NR5A2: variants seen among roughly 807,000 people sequenced by gnomAD.
The protein encoded by NR5A2 is CYP7A promoter-binding factor.
A neutral mutation model predicts 62.7 loss-of-function variants in NR5A2; 26 were observed. The observed-to-expected ratio is 0.41, with a 90% confidence interval of 0.30 to 0.58. The LOEUF (loss-of-function observed/expected upper bound fraction) is 0.58. Ranked by LOEUF, NR5A2 falls within the 20% of genes least tolerant of loss-of-function variation. The pLI is 0.22. For synonymous variants in NR5A2, 246 were observed against 241.7 expected (o/e 1.02, Z -0.16); for missense variants, 541 against 669.1 (o/e 0.81, Z 2.11).
intron 1 of NR5A2, among the ~76,000 whole-genome samples, chr1:200,030,353 A>G (rs772863750): frequency 5.9e-5 from 9 of 152,230 alleles, no homozygotes; most frequent in Non-Finnish European, 1.2e-4. Flanking sequence ...TGATGGTTAC[A>G]TGAAAGTTTT....
rs1355678791 is a variant in NR5A2 at position 200,048,488 on chromosome 1, A to G, written c.780A>G (p.Thr260=). The G allele has an allele frequency of 3.7e-6, 6 of 1,614,206 alleles. No homozygotes were observed. The African/African-American group carries it at 6.7e-5, about 18-fold the overall frequency. Residue 260 remains threonine (T), a synonymous_variant, in exon 5 of 8, where the codon ACA becomes ACG. Transcript: ENST00000367362. This position sits in a 1 kb window ranked among gnomAD's most constrained non-coding sequence, Gnocchi z 4.8. ...ACGGCAGCCTGCAAGGTTACCAAAC[A>G]TATGGCCACTTTCCTAGCCGGGCCA... is the stretch of plus-strand genomic sequence containing the variant. ...PPHGSLQGYQ[T]YGHFPSRAIK... is the part of the protein sequence containing the mutation.
At chr1:200,037,382 G>A (rs772481972) in intron 1 of NR5A2, among the ~76,000 whole-genome samples, 8 of 152,194 alleles carry the variant, frequency 5.3e-5, no homozygotes, top group African/African-American at 1.9e-4. Flanking sequence ...AGGACCAAGC[G>A]TTTGGAGTCC....
In NR5A2 at chr1:200,160,150, G is replaced by A. The variant is rs778276069; in HGVS notation, c.1379-13813G>A. 2.6e-5 allele frequency among the ~76,000 whole-genome samples: 4 copies of A among 152,318 alleles called. No individual in the cohort carries two copies. In the East Asian group the frequency reaches 5.8e-4, roughly 22 times the overall value. ...AGGGAGCAAAGCCTAGAAACAGGAA[G>A]CTGCTACAAGCAATCCCAACTGCAC... On this transcript the variant is annotated intron_variant, in intron 7 of 7. Coordinates refer to ENST00000367362, the MANE Select transcript of NR5A2 (RefSeq NM_205860.3).
intron 5 of NR5A2, among the ~76,000 whole-genome samples, chr1:200,072,800 A>G (rs1034391454): frequency 6.6e-6 from 1 of 152,176 alleles, no homozygotes; most frequent in African/African-American, 2.4e-5. Flanking sequence ...AGTATGAACA[A>G]AAGAAGATGT....
intron 5 of NR5A2, among the ~76,000 whole-genome samples, chr1:200,053,569 GCACACACA>G (rs34611924): frequency 0.03 from 4,274 of 142,060 alleles, 112 homozygotes; most frequent in African/African-American, 0.064. Context: ...GCATGCACAC[GCACACACA>G]CACACACACA....
chr1:200,157,951 T>C (rs1477911894), intron 7 of NR5A2, among the ~76,000 whole-genome samples: 3 of 152,232 alleles, frequency 2.0e-5, no homozygotes, highest in African/African-American at 7.2e-5. Flanking sequence ...AATTTAACTC[T>C]ACAAACTCAT....
At chr1:200,061,916 T>C (rs1663239292) in intron 5 of NR5A2, among the ~76,000 whole-genome samples, 1 of 152,216 alleles carries the variant, frequency 6.6e-6, no homozygotes, top group African/African-American at 2.4e-5. Context: ...TTACTTCATT[T>C]AAATTAAAAA....
In NR5A2 at chr1:200,147,348, T is replaced by A. The variant is rs967975900; in HGVS notation, c.1378+26393T>A. Among the ~76,000 whole-genome samples, 1 of 152,174 alleles carries A rather than the reference T, an allele frequency of 6.6e-6. No homozygotes were observed. The highest frequency in any genetic ancestry group is 1.5e-5 in the Non-Finnish European group (1 of 68,020). On this transcript the variant is annotated intron_variant, in intron 7 of 7. Coordinates refer to ENST00000367362, the MANE Select transcript of NR5A2 (RefSeq NM_205860.3). The surrounding 1 kb of genome is among the most constrained non-coding windows in gnomAD (Gnocchi z 4.9). ...CTCATCCAGCAAAGCTCGGCCTACA[T>A]GGAGGTTTGCTGACTCCCCCAGGCC...
At chr1:200,064,260 A>G (rs1413013180) in intron 5 of NR5A2, among the ~76,000 whole-genome samples, 2 of 152,190 alleles carry the variant, frequency 1.3e-5, no homozygotes, top group Non-Finnish European at 2.9e-5. Context: ...ACTAAACACA[A>G]TGGCAAACTC....
At chr1:200,139,942 T>C (rs1389331901) in intron 7 of NR5A2, among the ~76,000 whole-genome samples, 2 of 152,214 alleles carry the variant, frequency 1.3e-5, no homozygotes, top group Non-Finnish European at 2.9e-5. Flanking sequence ...TGCTAAATAT[T>C]TTGTCATCTC....
chr1:200,043,731 T>C (rs1038653952), intron 2 of NR5A2, 43 bp from the exon 3 acceptor site: 2 of 1,273,588 alleles, frequency 1.6e-6, no homozygotes. Context: ...CACCTACATG[T>C]AAATTAATTG....
At chr1:200,142,765 A>C (rs573314691) in intron 7 of NR5A2, among the ~76,000 whole-genome samples, 1 of 152,124 alleles carries the variant, frequency 6.6e-6, no homozygotes, top group East Asian at 1.9e-4. Context: ...TTCATTACGT[A>C]TCTTTTAAAT....
intron 5 of NR5A2, among the ~76,000 whole-genome samples, chr1:200,081,938 T>C (rs1664314550): frequency 6.6e-6 from 1 of 152,302 alleles, no homozygotes. Context: ...TCTACTGACT[T>C]AATTATGCCC....
intron 7 of NR5A2, among the ~76,000 whole-genome samples, chr1:200,133,534 CATATATAT>C (rs748974260): frequency 1.6e-5 from 2 of 126,888 alleles, no homozygotes; most frequent in East Asian, 2.1e-4. Flanking sequence ...TATACACACA[CATATATAT>C]ATATACACAT....
rs1173012233 is a variant in NR5A2 at position 200,141,013 on chromosome 1, A to G, written c.1378+20058A>G. Among the ~76,000 whole-genome samples, 3 of 147,192 alleles carry G rather than the reference A, an allele frequency of 2.0e-5. No individual in the cohort carries two copies. The Admixed American group carries it at 2.1e-4, about 10-fold the overall frequency. On this transcript the variant is annotated intron_variant, in intron 7 of 7. Transcript: ENST00000367362. ...GCCATTGCACTCCAGCCTGGGCAACAAGAGATAACTCCATCTCTAAACAAA... is the reference window on the plus strand; with the variant it reads ...GCCATTGCACTCCAGCCTGGGCAACGAGAGATAACTCCATCTCTAAACAAA...
At chr1:200,137,275 C>T (rs898570448) in intron 7 of NR5A2, among the ~76,000 whole-genome samples, 1 of 151,796 alleles carries the variant, frequency 6.6e-6, no homozygotes, top group Non-Finnish European at 1.5e-5. Flanking sequence ...CTCAGCCTCC[C>T]GAATAGCTGA....
At chr1:200,095,116 T>C (rs1000846199) in intron 5 of NR5A2, among the ~76,000 whole-genome samples, 2 of 82,096 alleles carry the variant, frequency 2.4e-5, no homozygotes, top group African/African-American at 8.7e-5. Context: ...TCTGACCTCC[T>C]TTTTAATAAA....
intron 5 of NR5A2, among the ~76,000 whole-genome samples, chr1:200,105,422 C>T (rs1665602196): frequency 6.6e-6 from 1 of 152,262 alleles, no homozygotes; most frequent in Admixed American, 6.5e-5. Context: ...TAAACTACTC[C>T]CGTTTTCCTT....
chr1:200,028,149 T>C (rs1661412133), intron 1 of NR5A2, among the ~76,000 whole-genome samples: 1 of 152,150 alleles, frequency 6.6e-6, no homozygotes, highest in Admixed American at 6.6e-5. Context: ...CTGGTGTCAT[T>C]CTAATACCCT....
Sources: gnomAD v4.1 joint callset for allele counts (sites outside exome capture counted in the v4.1 genomes callset) on GRCh38, gnomAD v4.1.1 for gene constraint, Gnocchi (gnomAD v3.1) non-coding constraint, MANE v1.5 for transcripts, NCBI Gene and HGNC (gene_info 2026-07-23, HGNC 2026-07-21) for gene names.